Variants in GOLM1 observed in about 807,000 individuals in gnomAD.
The protein encoded by GOLM1 is epididymis luminal protein 46.
In GOLM1, 31 loss-of-function variants were observed where a neutral mutation model predicts 50.5. The observed-to-expected ratio is 0.61, with a 90% CI of 0.46 to 0.83. The LOEUF (loss-of-function observed/expected upper bound fraction) is 0.83. GOLM1 is among the 40% of genes least tolerant of loss of function. The pLI is 0.00. For synonymous variants in GOLM1, 178 were observed against 192.8 expected (o/e 0.92, Z 0.64); for missense variants, 491 against 501.3 (o/e 0.98, Z 0.20).
chr9:86,045,727 A>G (rs1195105109), intron 5 of GOLM1, among the ~76,000 whole-genome samples: 2 of 151,554 alleles, frequency 1.3e-5, no homozygotes, highest in Non-Finnish European at 2.9e-5. Flanking sequence ...TACATAACGC[A>G]AGTAAAAAAA....
intron 6 of GOLM1, among the ~76,000 whole-genome samples, chr9:86,037,550 C>T (rs1833188293): frequency 6.6e-6 from 1 of 152,048 alleles, no homozygotes; most frequent in Non-Finnish European, 1.5e-5. Flanking sequence ...CACCTTCAAG[C>T]ATCTGTATTA....
chr9:86,087,109 G>A (rs1834999233), intron 1 of GOLM1, among the ~76,000 whole-genome samples: 3 of 152,134 alleles, frequency 2.0e-5, no homozygotes, highest in Non-Finnish European at 2.9e-5. Context: ...CCATTTGTTC[G>A]TGTCCTCTCT....
chr9:86,047,983 CTCG>C (rs1833608274), intron 4 of GOLM1, among the ~76,000 whole-genome samples: 1 of 152,090 alleles, frequency 6.6e-6, no homozygotes, highest in Non-Finnish European at 1.5e-5. Flanking sequence ...CACCCATTAA[CTCG>C]TCATTTACAA....
At chr9:86,062,860 T>C (rs534471065) in intron 3 of GOLM1, among the ~76,000 whole-genome samples, 1 of 152,114 alleles carries the variant, frequency 6.6e-6, no homozygotes. Context: ...TGAAGGACAG[T>C]GGGAACCCCA....
intron 1 of GOLM1, among the ~76,000 whole-genome samples, chr9:86,088,240 G>T (rs986089304): frequency 5.3e-5 from 8 of 151,698 alleles, no homozygotes; most frequent in African/African-American, 1.9e-4. Flanking sequence ...GGTGTTTATA[G>T]TATCCTCTGA....
chr9:86,088,399 T>C (rs1835046479), intron 1 of GOLM1, among the ~76,000 whole-genome samples: 1 of 138,536 alleles, frequency 7.2e-6, no homozygotes, highest in South Asian at 2.3e-4. Context: ...AGCTCCTGGA[T>C]TCGTTGTTTT....
rs527470847 is a variant in GOLM1 at position 86,054,360 on chromosome 9, TG to T, written c.310-1770del. ...CCGGTTCACTGCAACCTCCACCTCC[TG>T]GGTTCAAGCAGTTCTCCTGCCTCAG... On this transcript the variant is annotated intron_variant, in intron 3 of 9. Transcript: ENST00000388712. Among the ~76,000 whole-genome samples, 737 of 151,452 alleles carry T rather than the reference TG, an allele frequency of 4.9e-3. 4 individuals carry two copies. The highest frequency in any genetic ancestry group is 6.8e-3 in the Middle Eastern group (2 of 294).
At chr9:86,080,229 T>C (rs1459704445) in intron 1 of GOLM1, 1 of 152,112 alleles carries the variant, frequency 6.6e-6, no homozygotes, top group Non-Finnish European at 1.5e-5. Context: ...AGCTACAGAG[T>C]GCACAAAAAT....
chr9:86,063,803 C>T (rs538866702), intron 3 of GOLM1, among the ~76,000 whole-genome samples: 1 of 152,330 alleles, frequency 6.6e-6, no homozygotes, highest in East Asian at 1.9e-4. Flanking sequence ...CACGCCAACG[C>T]TCTTTCTAGT....
chr9:86,065,808 G>A (rs563319839), intron 3 of GOLM1, among the ~76,000 whole-genome samples: 17 of 152,324 alleles, frequency 1.1e-4, no homozygotes, highest in Non-Finnish European at 2.1e-4. Flanking sequence ...TTGGGAGGCT[G>A]AGGAGGGTAG....
chr9:86,069,802 T>C (rs1156886447), intron 3 of GOLM1, among the ~76,000 whole-genome samples: 1 of 152,214 alleles, frequency 6.6e-6, no homozygotes, highest in Non-Finnish European at 1.5e-5. Flanking sequence ...TCCACATTCC[T>C]TTTCTAATCC....
intron 5 of GOLM1, among the ~76,000 whole-genome samples, chr9:86,041,875 T>C (rs999913292): frequency 6.6e-6 from 1 of 152,078 alleles, no homozygotes; most frequent in Admixed American, 6.5e-5. Context: ...TCCCAGCACT[T>C]TGGGAGGCTG....
intron 6 of GOLM1, among the ~76,000 whole-genome samples, chr9:86,039,878 G>GA: frequency 1.3e-5 from 2 of 151,620 alleles, no homozygotes; most frequent in East Asian, 3.9e-4. Flanking sequence ...TGAGGCAGGA[G>GA]AATCGCTTGA....
chr9:86,065,899 G>A (rs907576338), intron 3 of GOLM1, among the ~76,000 whole-genome samples: 2 of 152,064 alleles, frequency 1.3e-5, no homozygotes, highest in Non-Finnish European at 2.9e-5. Flanking sequence ...AATAAGCCAG[G>A]CGTGGTGGCA....
chr9:86,095,438 G>C (rs1835330440), intron 1 of GOLM1, among the ~76,000 whole-genome samples: 1 of 151,166 alleles, frequency 6.6e-6, no homozygotes, highest in Non-Finnish European at 1.5e-5. Flanking sequence ...AATAGAGATG[G>C]GGTTTCACCA....
At chr9:86,052,685 A>C (rs190371713) in intron 3 of GOLM1, 94 bp from the exon 4 acceptor site, 9 of 1,000,878 alleles carry the variant, frequency 9.0e-6, no homozygotes, top group Non-Finnish European at 1.4e-5. Flanking sequence ...CCTGTCCCCA[A>C]CCCAGCGCTG....
At chr9:86,095,359 G>A (rs371561427) in intron 1 of GOLM1, among the ~76,000 whole-genome samples, 33 of 151,878 alleles carry the variant, frequency 2.2e-4, no homozygotes, top group African/African-American at 7.5e-4. Context: ...CTCCCAGGTA[G>A]CTGGAATTAC....
At chr9:86,067,751 C>T (rs181177287) in intron 3 of GOLM1, among the ~76,000 whole-genome samples, 494 of 152,252 alleles carry the variant, frequency 3.2e-3, no homozygotes, top group African/African-American at 0.011. Flanking sequence ...GCCTGTAATC[C>T]CAGCACTTTG....
At chr9:86,067,149 T>C (rs1027770270) in intron 3 of GOLM1, among the ~76,000 whole-genome samples, 3 of 152,214 alleles carry the variant, frequency 2.0e-5, no homozygotes, top group African/African-American at 7.2e-5. Context: ...CTGACTGAAC[T>C]CCTGACCTCA....
Sources: gnomAD v4.1 joint callset for allele counts (sites outside exome capture counted in the v4.1 genomes callset) on GRCh38, gnomAD v4.1.1 for gene constraint, MANE v1.5 for transcripts, NCBI Gene and HGNC (gene_info 2026-07-23, HGNC 2026-07-21) for gene names.